The following PTPRJ variants were observed in gnomAD, a reference collection of about 807,000 sequenced individuals.
The protein encoded by PTPRJ is protein tyrosine phosphatase receptor type J, also known as receptor-type tyrosine-protein phosphatase eta.
In PTPRJ, 129 loss-of-function variants were observed where a neutral mutation model predicts 141.3. The ratio of observed to expected loss-of-function variants is 0.91; its 90% CI spans 0.79 to 1.06. The LOEUF is 1.06. Ranked by LOEUF, PTPRJ falls within the 50% of genes least tolerant of loss-of-function variation. The probability of loss-of-function intolerance (pLI) is 0.00; values close to 1 mark genes in which losing one functional copy is unlikely to be tolerated. For synonymous variants in PTPRJ, 610 were observed against 640.5 expected (o/e 0.95, Z 0.72); for missense variants, 1,601 against 1,679.7 (o/e 0.95, Z 0.82).
At chr11:48,116,242 A>G (rs1056537836) in intron 3 of PTPRJ, among the ~76,000 whole-genome samples, 1 of 152,308 alleles carries the variant, frequency 6.6e-6, no homozygotes, top group Admixed American at 6.5e-5. Flanking sequence ...ACTCCATGCT[A>G]ATGGAAATCT....
chr11:48,006,747 C>T (rs1251383733), intron 1 of PTPRJ, among the ~76,000 whole-genome samples: 3 of 152,132 alleles, frequency 2.0e-5, no homozygotes, highest in African/African-American at 4.8e-5. Context: ...AGTGGCAAGG[C>T]GGACCATCCC....
chr11:48,022,179 G>T (rs1855142268), intron 1 of PTPRJ, among the ~76,000 whole-genome samples: 1 of 148,108 alleles, frequency 6.8e-6, no homozygotes, highest in African/African-American at 2.6e-5. Context: ...ATAAGATGAT[G>T]AAGTCCGGGC....
At chr11:48,100,104 A>C (rs1322523892) in intron 1 of PTPRJ, among the ~76,000 whole-genome samples, 1 of 152,000 alleles carries the variant, frequency 6.6e-6, no homozygotes, top group African/African-American at 2.4e-5. Flanking sequence ...GAGGGCATTG[A>C]GCTCCTTGGG....
At chr11:48,047,621 G>GC (rs1854444317) in intron 1 of PTPRJ, among the ~76,000 whole-genome samples, 1 of 151,838 alleles carries the variant, frequency 6.6e-6, no homozygotes, top group Non-Finnish European at 1.5e-5. Context: ...TCCTGCCTCA[G>GC]CCCCCCAAGT....
At chr11:48,129,967 G>A (rs1316554949) in intron 7 of PTPRJ, among the ~76,000 whole-genome samples, 2 of 151,750 alleles carry the variant, frequency 1.3e-5, no homozygotes, top group African/African-American at 4.8e-5. Context: ...CTAGCTCCAT[G>A]GGAGCTGGGA....
rs371453397 is a variant in PTPRJ, at chr11:48,121,056, A to G, written c.406A>G (p.Ile136Val). Reference protein sequence around the residue: ...KAVSISPTNVILTWKSNDTAA... With the variant: ...KAVSISPTNVVLTWKSNDTAA... ...TGTTTCCATCAGTCCAACCAATGTG[A>G]TCTTAACTTGGAAAAGTAATGACAC... is the stretch of plus-strand genomic sequence containing the variant. The change falls in exon 4 of 25, where the codon ATC (isoleucine) becomes GTC (valine). Residue 136 changes from isoleucine (I) to valine (V), a missense_variant. Ile to Val is a conservative substitution (Grantham distance 29). Transcript: ENST00000418331. The G allele has an allele frequency of 8.1e-6, 13 of 1,612,966 alleles. No homozygotes were observed. The highest frequency in any genetic ancestry group is 2.2e-5 in the South Asian group (2 of 90,970).
chr11:48,032,881 G>A (rs905470208), intron 1 of PTPRJ, among the ~76,000 whole-genome samples: 3 of 152,104 alleles, frequency 2.0e-5, no homozygotes, highest in African/African-American at 7.2e-5. Context: ...CAAGTTCCCT[G>A]TTTCATGGAG....
chr11:48,075,023 A>T (rs928055205), intron 1 of PTPRJ, among the ~76,000 whole-genome samples: 37 of 152,242 alleles, frequency 2.4e-4, no homozygotes, highest in African/African-American at 8.4e-4. Context: ...GGTGTATACC[A>T]GCTGAGACAG....
In PTPRJ at chr11:48,169,207, T is replaced by A. The variant is rs1420897424; in HGVS notation, c.*1845T>A. ...CTTTTATTTCCCTTTCCCTTTGAGGTACTGAAAGGATGAAAAGGTGGTGTC... is the reference window on the plus strand; with the variant it reads ...CTTTTATTTCCCTTTCCCTTTGAGGAACTGAAAGGATGAAAAGGTGGTGTC... On this transcript the variant is annotated 3_prime_UTR_variant, in exon 25 of 25. Coordinates refer to ENST00000418331, the MANE Select transcript of PTPRJ (RefSeq NM_002843.4). 2 of 152,156 alleles carry A rather than the reference T, an allele frequency of 1.3e-5. No individual in the cohort carries two copies. Among genetic ancestry groups the A allele is most frequent in the African/African-American group, 2.4e-5 (1 of 41,426 alleles). 9.4% of individuals were successfully genotyped at this position (152,156 alleles called of 1,614,324 possible). A position where few individuals can be genotyped will look rare whatever the true frequency, so the allele number is the denominator to read the frequency against.
At position 48,122,924 on chromosome 11, in the gene PTPRJ, C is replaced by T. The variant is rs551966759; in HGVS notation, c.617-689C>T. Among the ~76,000 whole-genome samples, 4 of 152,266 alleles carry T rather than the reference C, an allele frequency of 2.6e-5. No homozygotes were observed. The South Asian group carries it at 8.3e-4, about 32-fold the overall frequency. ...AGCTGCAGCCCTGGGTTCTCCTGTC[C>T]CCACTGCTACCAGGAGTGTGTGTTC... On this transcript the variant is annotated intron_variant, in intron 4 of 24. Coordinates refer to ENST00000418331, the MANE Select transcript of PTPRJ (RefSeq NM_002843.4).
At position 48,139,980 on chromosome 11, in the gene PTPRJ, C is replaced by T. The variant is rs537733800; in HGVS notation, c.2443+204C>T. Among the ~76,000 whole-genome samples, 5 of 152,298 alleles carry T rather than the reference C, an allele frequency of 3.3e-5. No individual in the cohort carries two copies. In the East Asian group the frequency reaches 9.6e-4, roughly 29 times the overall value. ...CAGAGTAAGAGGGGCTCATTTTTTA[C>T]ATTCTAAAAGATTCCTTTTCTTTAC... On this transcript the variant is annotated intron_variant, in intron 11 of 24. Coordinates refer to ENST00000418331, the MANE Select transcript of PTPRJ (RefSeq NM_002843.4).
rs541241524 is a variant in PTPRJ at position 48,019,492 on chromosome 11, G to C, written c.96+38484G>C. Among the ~76,000 whole-genome samples, 321 of 152,192 alleles carry C rather than the reference G, an allele frequency of 2.1e-3. 11 individuals carry two copies. In the South Asian group the frequency reaches 0.065, roughly 31 times the overall value. On this transcript the variant is annotated intron_variant, in intron 1 of 24. Coordinates refer to ENST00000418331, the MANE Select transcript of PTPRJ (RefSeq NM_002843.4). Reference sequence around the variant, plus strand: ...CTGTTCAGCAATCACATTTGCTCACGTCTAGAAAGTACAATATAATGACTC... The same window carrying C: ...CTGTTCAGCAATCACATTTGCTCACCTCTAGAAAGTACAATATAATGACTC...
At chr11:48,035,802 G>A (rs1385570627) in intron 1 of PTPRJ, among the ~76,000 whole-genome samples, 1 of 152,088 alleles carries the variant, frequency 6.6e-6, no homozygotes, top group East Asian at 1.9e-4. Flanking sequence ...CTCTGAATTA[G>A]AGCATGGAAT....
intron 1 of PTPRJ, among the ~76,000 whole-genome samples, chr11:48,083,700 T>G (rs2134288508): frequency 6.6e-6 from 1 of 152,346 alleles, no homozygotes; most frequent in East Asian, 1.9e-4. Flanking sequence ...CACTCATGAA[T>G]TCCCAGCACC....
At chr11:48,136,812 C>T (rs1163488325) in intron 9 of PTPRJ, among the ~76,000 whole-genome samples, 191 bp from the exon 10 acceptor site, 1 of 152,050 alleles carries the variant, frequency 6.6e-6, no homozygotes, top group Admixed American at 6.5e-5. Flanking sequence ...AATTAAACTT[C>T]TTTTGAGACT....
chr11:48,130,734 T>C lies in PTPRJ; in HGVS notation c.1615+18T>C. 3 of 1,579,090 alleles carry C rather than the reference T, an allele frequency of 1.9e-6. No homozygotes were observed. Among genetic ancestry groups the C allele is most frequent in the Non-Finnish European group, 2.6e-6 (3 of 1,156,482 alleles). On this transcript the variant is annotated intron_variant, in intron 8 of 24. Coordinates refer to ENST00000418331, the MANE Select transcript of PTPRJ (RefSeq NM_002843.4). ...TAGAACTGGTAAGCAAATAGGCTTT[T>C]CTGTTAAACCATCATGTTTCTTAAA...
chr11:48,149,889 C>A, intron 16 of PTPRJ, 101 bp from the exon 17 acceptor site: 2 of 897,070 alleles, frequency 2.2e-6, no homozygotes, highest in Non-Finnish European at 3.4e-6. Flanking sequence ...CCAAATTATA[C>A]CCTGGGTTTT....
chr11:48,140,344 A>G (rs932698628), intron 11 of PTPRJ, among the ~76,000 whole-genome samples: 5 of 152,118 alleles, frequency 3.3e-5, no homozygotes, highest in Non-Finnish European at 7.4e-5. Context: ...TTTAGCCCAC[A>G]TCTGTTGGTG....
At chr11:48,159,115 TATGTGGG>T (rs544077154) in intron 21 of PTPRJ, among the ~76,000 whole-genome samples, 5 of 8,728 alleles carry the variant, frequency 5.7e-4, no homozygotes, top group East Asian at 3.0e-3. Flanking sequence ...TGTGTGTGTG[TATGTGGG>T]GTGTGTGTGT....
Sources: gnomAD v4.1 joint callset for allele counts (sites outside exome capture counted in the v4.1 genomes callset) on GRCh38, gnomAD v4.1.1 for gene constraint, MANE v1.5 for transcripts, NCBI Gene and HGNC (gene_info 2026-07-23, HGNC 2026-07-21) for gene names.